Variants in RNF32 observed in about 807,000 individuals in gnomAD.
RNF32 encodes ring finger protein 32.
A neutral mutation model predicts 41.0 loss-of-function variants in RNF32; 36 were observed. That is an observed-to-expected ratio of 0.88 (90% confidence interval 0.67 to 1.16). The LOEUF (loss-of-function observed/expected upper bound fraction) is 1.16, where lower values mean the gene tolerates loss of function less well. Ranked by LOEUF, RNF32 falls within the 50% of genes most tolerant of loss-of-function variation. The pLI, the probability that RNF32 is intolerant of heterozygous loss-of-function variation, is 0.00. For synonymous variants in RNF32, 154 were observed against 160.9 expected, an observed-to-expected ratio of 0.96 and a Z score of 0.32; for missense variants, 413 against 436.7, an observed-to-expected ratio of 0.95 and a Z score of 0.48.
chr7:156,644,578 G>A lies in RNF32; in HGVS notation c.95G>A (p.Arg32Gln). Residue 32 changes from arginine to glutamine, a missense_variant, in exon 3 of 9, where the codon CGA becomes CAA. By Grantham distance (43) the Arg-to-Gln change is conservative. Transcript: ENST00000317955. ...CACATTTTACATGATCTTCAACTTC[G>A]AAATCTTTCAGTTGCAGATCATTCT... ...QDHILHDLQL[R>Q]NLSVADHSKT... 1.9e-6 allele frequency: 3 copies of A among 1,612,430 alleles called. No homozygotes were observed. Among genetic ancestry groups the A allele is most frequent in the South Asian group, 2.2e-5 (2 of 91,002 alleles).
At chr7:156,649,802 C>G (rs1262219180) in intron 3 of RNF32, among the ~76,000 whole-genome samples, 2 of 152,316 alleles carry the variant, frequency 1.3e-5, no homozygotes, top group South Asian at 2.1e-4. Flanking sequence ...TTCACTGTTG[C>G]ATTCTGATAA....
intron 7 of RNF32, among the ~76,000 whole-genome samples, chr7:156,662,820 G>A (rs1388656213): frequency 6.7e-6 from 1 of 149,660 alleles, no homozygotes; most frequent in Non-Finnish European, 1.5e-5. Context: ...TTACTGAAAA[G>A]ATATTAAATA....
intron 1 of RNF32, among the ~76,000 whole-genome samples, chr7:156,642,461 C>G (rs1797475286): frequency 6.6e-6 from 1 of 152,220 alleles, no homozygotes; most frequent in African/African-American, 2.4e-5. Flanking sequence ...GCACCTCCCC[C>G]TACCATGCAG....
At chr7:156,651,139 C>T (rs920663864) in intron 3 of RNF32, among the ~76,000 whole-genome samples, 1 of 152,076 alleles carries the variant, frequency 6.6e-6, no homozygotes, top group Non-Finnish European at 1.5e-5. Context: ...ATTCCCCTGA[C>T]CCATTTTGGG....
intron 8 of RNF32, chr7:156,676,162 G>T (rs1038691252): frequency 2.6e-6 from 3 of 1,136,096 alleles, no homozygotes; most frequent in Non-Finnish European, 3.6e-6. Context: ...TGAAATTCTG[G>T]AAGTTCCTGT....
rs772185641 is a variant in RNF32 at position 156,644,758 on chromosome 7, G to A, written c.274+1G>A. ...CCCAAACCGCCGCCGTTGACTTTGGGTAAGCTGACGTAGTCATTCATCTTT... is the reference window on the plus strand; with the variant it reads ...CCCAAACCGCCGCCGTTGACTTTGGATAAGCTGACGTAGTCATTCATCTTT... On this transcript the variant is annotated splice_donor_variant, in intron 3 of 8. Transcript: ENST00000317955. LOFTEE classifies it high-confidence loss of function. 4.4e-6 allele frequency: 7 copies of A among 1,603,342 alleles called. No homozygotes were observed. The highest frequency in any genetic ancestry group is 5.9e-6 in the Non-Finnish European group (7 of 1,177,936).
intron 3 of RNF32, among the ~76,000 whole-genome samples, chr7:156,654,010 T>C (rs1799191641): frequency 6.6e-6 from 1 of 152,130 alleles, no homozygotes; most frequent in Admixed American, 6.5e-5. Flanking sequence ...GCTTGCCTTA[T>C]TGAGTTATTG....
At chr7:156,640,355 G>T, upstream of RNF32, 1 of 445,730 alleles carries the variant, frequency 2.2e-6, no homozygotes, top group Non-Finnish European at 4.5e-6. Flanking sequence ...GCTGAGGAGC[G>T]TGGCTGCGCC....
At chr7:156,675,885 G>A (rs1803834267) in intron 8 of RNF32, 22 bp downstream of exon 8, 1 of 1,606,110 alleles carries the variant, frequency 6.2e-7, no homozygotes, top group African/African-American at 1.3e-5. Flanking sequence ...TGGCAGCCTG[G>A]CAACCAGCAG....
At chr7:156,651,277 A>C (rs1046713842) in intron 3 of RNF32, among the ~76,000 whole-genome samples, 2 of 150,316 alleles carry the variant, frequency 1.3e-5, no homozygotes, top group African/African-American at 4.9e-5. Context: ...GCGGTGGCAC[A>C]ATCTCGGCTC....
At chr7:156,644,818 A>C in intron 3 of RNF32, 61 bp downstream of exon 3, 1 of 1,491,670 alleles carries the variant, frequency 6.7e-7, no homozygotes, top group Non-Finnish European at 9.1e-7. Flanking sequence ...TATTGAGATT[A>C]ATAGTATAAT....
intron 7 of RNF32, among the ~76,000 whole-genome samples, chr7:156,672,957 T>C (rs1802903366): frequency 6.6e-6 from 1 of 152,228 alleles, no homozygotes; most frequent in South Asian, 2.1e-4. Flanking sequence ...GTAAAGCATA[T>C]CGCAGGGCTC....
chr7:156,675,419 A>G (rs759618655), intron 7 of RNF32, among the ~76,000 whole-genome samples: 12 of 152,186 alleles, frequency 7.9e-5, no homozygotes, highest in Non-Finnish European at 1.5e-4. Context: ...TCCTTTGGGA[A>G]GGAATGTTTT....
chr7:156,647,052 A>G (rs1396407409), intron 3 of RNF32, among the ~76,000 whole-genome samples: 1 of 152,012 alleles, frequency 6.6e-6, no homozygotes, highest in African/African-American at 2.4e-5. Flanking sequence ...GGGTTTTGCC[A>G]TGTTGGCCAG....
Position 156,670,970 on chromosome 7 carries a change from A to C in RNF32, c.685-4726A>C, listed in dbSNP as rs890246443. Among the ~76,000 whole-genome samples the C allele has an allele frequency of 1.3e-5, 2 of 152,234 alleles. No homozygotes were observed. Among genetic ancestry groups the C allele is most frequent in the Admixed American group, 1.3e-4 (2 of 15,286 alleles). ...TCATGTCTCAGGTTAAAAGAGAGAG[A>C]GAGCTTATGACAAAAATAACATAAA... On this transcript the variant is annotated intron_variant, in intron 7 of 8. Coordinates refer to ENST00000317955, the MANE Select transcript of RNF32 (RefSeq NM_030936.4). The surrounding 1 kb of genome is among the most constrained non-coding windows in gnomAD (Gnocchi z 4.3).
chr7:156,662,287 G>C (rs887316409), intron 7 of RNF32, among the ~76,000 whole-genome samples: 3 of 152,098 alleles, frequency 2.0e-5, no homozygotes, highest in Non-Finnish European at 4.4e-5. Context: ...TTCTGTGAGC[G>C]ATGGGAATCC....
chr7:156,643,943 T>A, intron 2 of RNF32, 51 bp downstream of exon 2: 2 of 1,502,780 alleles, frequency 1.3e-6, no homozygotes, highest in South Asian at 2.3e-5. Context: ...ATGAAATGTA[T>A]TTTAATTCAG....
intron 7 of RNF32, among the ~76,000 whole-genome samples, chr7:156,667,034 C>T (rs1193794619): frequency 1.3e-5 from 2 of 152,208 alleles, no homozygotes; most frequent in Non-Finnish European, 2.9e-5. Context: ...TTTTCATTTA[C>T]ATCTCACCAA....
intron 3 of RNF32, among the ~76,000 whole-genome samples, chr7:156,647,834 G>A (rs984138956): frequency 6.6e-6 from 1 of 152,070 alleles, no homozygotes; most frequent in African/African-American, 2.4e-5. Flanking sequence ...CCACATCAAC[G>A]CCAACATCTG....
Sources: gnomAD v4.1 joint callset for allele counts (sites outside exome capture counted in the v4.1 genomes callset) on GRCh38, gnomAD v4.1.1 for gene constraint, Gnocchi (gnomAD v3.1) non-coding constraint, MANE v1.5 for transcripts, NCBI Gene and HGNC (gene_info 2026-07-23, HGNC 2026-07-21) for gene names.